Variants in CCDC14 observed in about 807,000 individuals in gnomAD.
CCDC14 encodes coiled-coil domain containing 14, also known as coiled-coil domain-containing protein 14.
In CCDC14, 71 loss-of-function variants were observed where a neutral mutation model predicts 81.4. The ratio of observed to expected loss-of-function variants is 0.87; its 90% CI spans 0.72 to 1.06. CCDC14 has a LOEUF of 1.06. CCDC14 is among the 50% of genes least tolerant of loss of function. CCDC14 has a pLI of 0.00. For synonymous variants in CCDC14, 332 were observed against 364.8 expected (o/e 0.91, Z 1.03); for missense variants, 1,046 against 1,047.3 (o/e 1.00, Z 0.02).
At chr3:123,954,624 T>C (rs994060636) in intron 5 of CCDC14, 2 of 152,122 alleles carry the variant, frequency 1.3e-5, no homozygotes, top group African/African-American at 4.8e-5. Context: ...TATTAAATCT[T>C]CTAAATCTAG....
chr3:123,898,604 T>C (rs2034116866), intron 5 of CCDC14, among the ~76,000 whole-genome samples: 1 of 151,928 alleles, frequency 6.6e-6, no homozygotes, highest in Non-Finnish European at 1.5e-5. Flanking sequence ...GAGATGGTGG[T>C]CCGGATTATC....
chr3:123,903,042 C>G (rs1347027743), intron 5 of CCDC14, among the ~76,000 whole-genome samples: 3 of 152,038 alleles, frequency 2.0e-5, no homozygotes, highest in African/African-American at 7.2e-5. Context: ...TCATTCAACT[C>G]CCACTTATGA....
At chr3:123,937,841 T>C (rs1465304961) in intron 9 of CCDC14, among the ~76,000 whole-genome samples, 1 of 151,958 alleles carries the variant, frequency 6.6e-6, no homozygotes, top group Admixed American at 6.6e-5. Context: ...TTGTATACTG[T>C]ATGAGGTAAA....
chr3:123,924,577 T>C (rs2035247310), intron 12 of CCDC14, among the ~76,000 whole-genome samples: 1 of 152,028 alleles, frequency 6.6e-6, no homozygotes, highest in Non-Finnish European at 1.5e-5. Flanking sequence ...AAGGGACTCA[T>C]GCAACTCAAC....
At chr3:123,924,799 T>C (rs971067538) in intron 12 of CCDC14, among the ~76,000 whole-genome samples, 5 of 152,062 alleles carry the variant, frequency 3.3e-5, no homozygotes, top group African/African-American at 1.2e-4. Context: ...TTGTATACTG[T>C]TGGTAGGAAT....
chr3:123,950,263 T>C (rs183226737), intron 5 of CCDC14, among the ~76,000 whole-genome samples: 48 of 152,334 alleles, frequency 3.2e-4, no homozygotes, highest in Non-Finnish European at 5.0e-4. Flanking sequence ...ATATATTCTA[T>C]GAAATAACAA....
At chr3:123,925,121 C>A (rs537174168) in intron 12 of CCDC14, among the ~76,000 whole-genome samples, 2 of 144,408 alleles carry the variant, frequency 1.4e-5, no homozygotes, top group South Asian at 4.3e-4. Context: ...TATTGGAATA[C>A]TACTCAGCCT....
At chr3:123,939,366 C>G (rs1319619066) in intron 9 of CCDC14, among the ~76,000 whole-genome samples, 1 of 151,114 alleles carries the variant, frequency 6.6e-6, no homozygotes, top group Admixed American at 6.6e-5. Context: ...AGTAACTTAA[C>G]CAGCATATGT....
At chr3:123,910,439 A>G (rs1042483481), downstream of CCDC14, among the ~76,000 whole-genome samples, 1 of 151,686 alleles carries the variant, frequency 6.6e-6, no homozygotes, top group Non-Finnish European at 1.5e-5. Flanking sequence ...GATGGTGAGG[A>G]CTCTTTAAAT....
At chr3:123,937,095 CTATT>C (rs2036097591) in intron 9 of CCDC14, among the ~76,000 whole-genome samples, 1 of 152,028 alleles carries the variant, frequency 6.6e-6, no homozygotes, top group African/African-American at 2.4e-5. Flanking sequence ...GGATATAGCA[CTATT>C]TGTTTATCCA....
intron 12 of CCDC14, among the ~76,000 whole-genome samples, chr3:123,925,888 C>A (rs2035332126): frequency 6.6e-6 from 1 of 151,998 alleles, no homozygotes; most frequent in Admixed American, 6.6e-5. Context: ...TCACTGTACC[C>A]CATAAATATA....
chr3:123,887,874 T>C, the CCDC14 span, among the ~76,000 whole-genome samples: 1 of 152,204 alleles, frequency 6.6e-6, no homozygotes, highest in African/African-American at 2.4e-5. Flanking sequence ...TTGAACCTTT[T>C]TTGTCTATCT....
downstream of CCDC14, among the ~76,000 whole-genome samples, chr3:123,912,877 C>G (rs944251093): frequency 6.6e-6 from 1 of 152,130 alleles, no homozygotes; most frequent in African/African-American, 2.4e-5. Flanking sequence ...ACCACCCCCT[C>G]CCCACCTCTA....
At chr3:123,954,969 A>T (rs1049441050) in intron 5 of CCDC14, 1 of 152,156 alleles carries the variant, frequency 6.6e-6, no homozygotes, top group African/African-American at 2.4e-5. Flanking sequence ...AAGATGAGTT[A>T]GGTTTCCCTT....
chr3:123,903,308 ACACACACACACACACACAC>A (rs2034218104), intron 5 of CCDC14, among the ~76,000 whole-genome samples: 1 of 31,012 alleles, frequency 3.2e-5, no homozygotes, highest in Non-Finnish European at 1.3e-4. Flanking sequence ...ACACACACAC[ACACACACACACACACACAC>A]ACACACACAC....
At chr3:123,950,934 A>T (rs2036979999) in intron 5 of CCDC14, among the ~76,000 whole-genome samples, 1 of 152,168 alleles carries the variant, frequency 6.6e-6, no homozygotes, top group African/African-American at 2.4e-5. Context: ...TAATACTATA[A>T]CCAGTGAAAA....
chr3:123,934,270 CA>C (rs61094944), intron 9 of CCDC14, among the ~76,000 whole-genome samples: 147 of 52,280 alleles, frequency 2.8e-3, no homozygotes, highest in Non-Finnish European at 3.9e-3. Context: ...GACTCTGCCT[CA>C]AAAAAAAAAA....
chr3:123,886,709 T>C, the CCDC14 span, among the ~76,000 whole-genome samples: 1 of 152,200 alleles, frequency 6.6e-6, no homozygotes, highest in African/African-American at 2.4e-5. Flanking sequence ...AGCTCTAGTT[T>C]CTTTTGTTGA....
At chr3:123,939,768 T>C (rs1013151974) in intron 9 of CCDC14, among the ~76,000 whole-genome samples, 9 of 151,996 alleles carry the variant, frequency 5.9e-5, no homozygotes, top group East Asian at 5.8e-4. Context: ...ACTAGAAATA[T>C]AGTTGCAAAC....
Sources: gnomAD v4.1 joint callset for allele counts (sites outside exome capture counted in the v4.1 genomes callset) on GRCh38, gnomAD v4.1.1 for gene constraint, MANE v1.5 for transcripts, NCBI Gene and HGNC (gene_info 2026-07-23, HGNC 2026-07-21) for gene names.